Variants in CPED1 observed in about 807,000 individuals in gnomAD.
The protein encoded by CPED1 is cadherin like and PC-esterase domain containing 1.
Under a neutral mutation model 128.2 loss-of-function variants are expected in CPED1, and 114 were observed. The observed-to-expected ratio is 0.89, with a 90% CI of 0.76 to 1.04. The LOEUF is 1.04. Ranked by LOEUF, CPED1 falls within the 50% of genes least tolerant of loss-of-function variation. CPED1 has a pLI of 0.00. For missense variants in CPED1, 1,211 were observed against 1,207.1 expected (o/e 1.00, Z -0.05); for synonymous variants, 462 against 426.7 (o/e 1.08, Z -1.02).
chr7:121,174,818 A>G (rs774003520), intron 16 of CPED1, among the ~76,000 whole-genome samples: 1 of 152,132 alleles, frequency 6.6e-6, no homozygotes, highest in Non-Finnish European at 1.5e-5. Flanking sequence ...TTTGGACAGT[A>G]TGGTCATTTT....
chr7:121,181,039 G>T (rs139419637), intron 16 of CPED1, among the ~76,000 whole-genome samples: 1 of 152,002 alleles, frequency 6.6e-6, no homozygotes, highest in African/African-American at 2.4e-5. Context: ...TTTCCATCAT[G>T]TTCAAGAAAT....
chr7:121,277,146 T>C (rs1467357110), intron 22 of CPED1, among the ~76,000 whole-genome samples: 2 of 152,080 alleles, frequency 1.3e-5, no homozygotes, highest in South Asian at 2.1e-4. Flanking sequence ...TCTATAGATC[T>C]TATTTGTGGC....
At position 121,130,181 on chromosome 7, in the gene CPED1, G is replaced by A. The variant is rs1435010461; in HGVS notation, c.1464G>A (p.Val488=). The change falls in exon 12 of 23, where the codon GTG becomes GTA. Residue 488 remains valine, a synonymous_variant. Coordinates refer to ENST00000310396, the MANE Select transcript of CPED1 (RefSeq NM_024913.5). The part of the protein sequence containing the change: ...IQSLMHEFYD[V]ANPVGNPGSV... ...CACTGATGCATGAATTTTATGATGTGGCAAATCCTGTGGGAAATCCTGGCT... is the reference window on the plus strand; with the variant it reads ...CACTGATGCATGAATTTTATGATGTAGCAAATCCTGTGGGAAATCCTGGCT... 6 of 1,612,784 alleles carry A rather than the reference G, an allele frequency of 3.7e-6. No homozygotes were observed. The highest frequency in any genetic ancestry group is 5.1e-6 in the Non-Finnish European group (6 of 1,179,250).
chr7:121,286,670 T>C (rs965397908), intron 22 of CPED1, among the ~76,000 whole-genome samples: 2 of 152,124 alleles, frequency 1.3e-5, no homozygotes, highest in African/African-American at 4.8e-5. Context: ...GATGGCAGCA[T>C]TGGAGAGATG....
At chr7:121,244,468 G>T (rs1798478058) in intron 18 of CPED1, 130 bp downstream of exon 18, 1 of 896,000 alleles carries the variant, frequency 1.1e-6, no homozygotes, top group East Asian at 2.5e-5. Context: ...ATGCAATATG[G>T]CTTTTTGAAT....
intron 22 of CPED1, among the ~76,000 whole-genome samples, chr7:121,289,360 GTATTA>G (rs1562864016): frequency 1.3e-5 from 2 of 152,044 alleles, no homozygotes; most frequent in African/African-American, 2.4e-5. Context: ...CACATTCATT[GTATTA>G]TATTAAAGAA....
At chr7:121,010,024 C>A (rs547173621) in intron 2 of CPED1, among the ~76,000 whole-genome samples, 8 of 152,244 alleles carry the variant, frequency 5.3e-5, no homozygotes, top group African/African-American at 1.9e-4. Flanking sequence ...TTATTTAGAA[C>A]CTGGCAGTAA....
intron 16 of CPED1, among the ~76,000 whole-genome samples, chr7:121,213,507 T>C (rs1797693359): frequency 6.6e-6 from 1 of 152,024 alleles, no homozygotes; most frequent in Non-Finnish European, 1.5e-5. Flanking sequence ...ATCTCTTCTT[T>C]AGCTTATTGA....
chr7:121,241,284 C>T (rs1246227760), intron 17 of CPED1, among the ~76,000 whole-genome samples: 1 of 44,040 alleles, frequency 2.3e-5, no homozygotes, highest in Admixed American at 2.5e-4. Flanking sequence ...GGAGGCGGAG[C>T]TTGCAGTGAG....
intron 3 of CPED1, among the ~76,000 whole-genome samples, chr7:121,023,524 T>C (rs960220847): frequency 6.6e-6 from 1 of 152,086 alleles, no homozygotes; most frequent in African/African-American, 2.4e-5. Flanking sequence ...AATATAAGAC[T>C]CAAACACACA....
At position 121,047,644 on chromosome 7, in the gene CPED1, C is replaced by CT. The variant is rs1563004683; in HGVS notation, c.540+651_540+652insT. On this transcript the variant is annotated intron_variant, in intron 4 of 22. Transcript: ENST00000310396. ...CCTACAATTCGCCATCTAGATAGCACCTTTCTTCTTCTTCTTCTTCTTCTT... is the reference window on the plus strand; with the variant it reads ...CCTACAATTCGCCATCTAGATAGCACTCTTTCTTCTTCTTCTTCTTCTTCTT... Among the ~76,000 whole-genome samples, 81 of 135,244 alleles carry CT rather than the reference C, an allele frequency of 6.0e-4. 4 individuals are homozygous for CT. The highest frequency in any genetic ancestry group is 3.7e-3 in the Middle Eastern group (1 of 272). 88.7% of individuals were successfully genotyped at this position (135,244 alleles called of 152,430 possible).
chr7:121,262,268 CAAAT>C (rs2116737545), intron 18 of CPED1, among the ~76,000 whole-genome samples: 1 of 152,112 alleles, frequency 6.6e-6, no homozygotes, highest in Non-Finnish European at 1.5e-5. Context: ...AACTGTGAGC[CAAAT>C]AAATCTTTTA....
At chr7:120,998,134 C>G (rs1464480852) in intron 2 of CPED1, among the ~76,000 whole-genome samples, 1 of 152,016 alleles carries the variant, frequency 6.6e-6, no homozygotes. Context: ...AGGAAGGATT[C>G]CACCACAAGT....
chr7:121,182,779 G>C (rs2116502582), intron 16 of CPED1, among the ~76,000 whole-genome samples: 1 of 152,090 alleles, frequency 6.6e-6, no homozygotes, highest in East Asian at 1.9e-4. Context: ...CCTTGTCTCT[G>C]TGATGGAGAT....
At chr7:121,189,674 A>G (rs567332006) in intron 16 of CPED1, among the ~76,000 whole-genome samples, 1 of 150,022 alleles carries the variant, frequency 6.7e-6, no homozygotes, top group East Asian at 2.0e-4. Flanking sequence ...GAGTTTGCCC[A>G]TAGGTGATTT....
intron 5 of CPED1, among the ~76,000 whole-genome samples, chr7:121,073,869 C>A (rs1475274866): frequency 6.8e-6 from 1 of 146,756 alleles, no homozygotes; most frequent in African/African-American, 2.5e-5. Flanking sequence ...GACTGGCTCT[C>A]TCATTAATCA....
chr7:121,006,482 A>G (rs907841034), intron 2 of CPED1, among the ~76,000 whole-genome samples: 2 of 152,072 alleles, frequency 1.3e-5, no homozygotes, highest in African/African-American at 4.8e-5. Context: ...TGTCTGAGAA[A>G]GACAGGACAG....
chr7:121,160,228 A>G (rs1796384107), intron 16 of CPED1, among the ~76,000 whole-genome samples: 2 of 152,160 alleles, frequency 1.3e-5, no homozygotes, highest in Non-Finnish European at 2.9e-5. Context: ...CTATTACATT[A>G]TATCACTATG....
intron 3 of CPED1, among the ~76,000 whole-genome samples, chr7:121,040,024 G>A (rs1171203539): frequency 6.6e-6 from 1 of 152,062 alleles, no homozygotes; most frequent in Non-Finnish European, 1.5e-5. Flanking sequence ...CATTAGGACA[G>A]GAAAGCCTGA....
Sources: allele counts gnomAD v4.1 joint callset (sites outside exome capture counted in the v4.1 genomes callset), GRCh38; gene constraint gnomAD v4.1.1; transcripts MANE v1.5; gene names NCBI Gene and HGNC (gene_info 2026-07-23, HGNC 2026-07-21).